ZNF638: variants seen among roughly 807,000 people sequenced by gnomAD.
ZNF638 encodes the protein CTCL tumor antigen se33-1.
In ZNF638, 46 loss-of-function variants were observed where a neutral mutation model predicts 195.6. The ratio of observed to expected loss-of-function variants is 0.24; its 90% CI spans 0.19 to 0.30. The LOEUF is 0.30. Among genes scored for constraint, ZNF638 ranks in the 10% least tolerant of loss-of-function variants. ZNF638 has a pLI of 1.00. For synonymous variants in ZNF638, 845 were observed against 772.0 expected, an observed-to-expected ratio of 1.09 and a Z score of -1.57; for missense variants, 2,440 against 2,325.3, an observed-to-expected ratio of 1.05 and a Z score of -1.01.
chr2:71,379,069 G>A (rs2079487713), intron 8 of ZNF638, among the ~76,000 whole-genome samples: 1 of 152,186 alleles, frequency 6.6e-6, no homozygotes, highest in African/African-American at 2.4e-5. Context: ...GTTGTGAATA[G>A]AGAGTGAGTG....
At chr2:71,379,744 T>C (rs1450994064) in intron 8 of ZNF638, 2 of 152,314 alleles carry the variant, frequency 1.3e-5, no homozygotes, top group Non-Finnish European at 2.9e-5. Flanking sequence ...TTACAACTTA[T>C]TTTTTTAATT....
chr2:71,343,986 C>T (rs1021824508), intron 1 of ZNF638, among the ~76,000 whole-genome samples: 7 of 152,102 alleles, frequency 4.6e-5, no homozygotes, highest in Admixed American at 6.5e-5. Context: ...AATAATCAGC[C>T]GGGTGTGGTG....
intron 11 of ZNF638, among the ~76,000 whole-genome samples, chr2:71,396,734 C>T (rs6753622): frequency 0.26 from 39,153 of 152,062 alleles, 6,545 homozygotes; most frequent in African/African-American, 0.47. Context: ...CACCTGAAGT[C>T]AGGAGTTAAG....
chr2:71,386,849 T>TTTTTTTTC (rs2079650974), intron 10 of ZNF638, among the ~76,000 whole-genome samples: 1 of 151,830 alleles, frequency 6.6e-6, no homozygotes, highest in African/African-American at 2.4e-5. Flanking sequence ...ATAAGATGCC[T>TTTTTTTTC]TTTTTTTCTT....
At chr2:71,383,658 C>T (rs537063215) in intron 10 of ZNF638, among the ~76,000 whole-genome samples, 22 of 149,154 alleles carry the variant, frequency 1.5e-4, no homozygotes, top group African/African-American at 4.9e-4. Context: ...CACTGCAACC[C>T]GTGCCTCCCA....
At chr2:71,390,414 A>G (rs1264956316) in intron 10 of ZNF638, among the ~76,000 whole-genome samples, 1 of 152,168 alleles carries the variant, frequency 6.6e-6, no homozygotes, top group Non-Finnish European at 1.5e-5. Flanking sequence ...GAACAGTGGG[A>G]TTGGTCCTAG....
At chr2:71,399,094 C>T (rs1164895363) in intron 12 of ZNF638, among the ~76,000 whole-genome samples, 1 of 151,842 alleles carries the variant, frequency 6.6e-6, no homozygotes, top group Non-Finnish European at 1.5e-5. Context: ...TTCATATTGC[C>T]CTCTCCAGTT....
intron 23 of ZNF638, among the ~76,000 whole-genome samples, chr2:71,425,481 A>T (rs1246718791): frequency 6.6e-6 from 1 of 152,170 alleles, no homozygotes; most frequent in Non-Finnish European, 1.5e-5. Context: ...ATTATATATA[A>T]TAGCAGTTAA....
chr2:71,395,549 A>G (rs745931307), intron 10 of ZNF638: 42 of 605,632 alleles, frequency 6.9e-5, no homozygotes, highest in Non-Finnish European at 1.0e-4. Context: ...AGTTTTATTT[A>G]CTTTTGCAGA....
rs369904168 is a variant in ZNF638 at position 71,433,258 on chromosome 2, G to A, written c.5846G>A (p.Ser1949Asn). The A allele has an allele frequency of 6.2e-7, 1 of 1,613,490 alleles. No individual in the cohort carries two copies. The highest frequency in any genetic ancestry group is 1.3e-5 in the African/African-American group (1 of 74,902). ...GEKAMTNHCK[S>N]TRHKQNTEKF... ...AAAGCAATGACAAATCACTGCAAGA[G>A]TACACGTCATAAGCAAAATACTGAG... The change falls in exon 27 of 28, where the codon AGT becomes AAT. Residue 1949 changes from serine to asparagine, a missense_variant. By Grantham distance (46) the Ser-to-Asn change is conservative. Coordinates refer to ENST00000264447, the MANE Select transcript of ZNF638 (RefSeq NM_014497.5).
intron 8 of ZNF638, 166 bp from the exon 9 acceptor site, chr2:71,380,056 T>C: frequency 2.2e-6 from 1 of 445,904 alleles, no homozygotes; most frequent in South Asian, 4.2e-5. Context: ...AAAGATGAGA[T>C]GTAAAATTAG....
chr2:71,386,930 C>G (rs1573095066), intron 10 of ZNF638, among the ~76,000 whole-genome samples: 1 of 152,002 alleles, frequency 6.6e-6, no homozygotes, highest in East Asian at 1.9e-4. Flanking sequence ...TCATTGCAGT[C>G]TCCACCTCCC....
rs919808474 is a variant in ZNF638, at chr2:71,344,049, G to C, written c.-202-4704G>C. On this transcript the variant is annotated intron_variant, in intron 1 of 27. Transcript: ENST00000264447. Reference sequence around the variant, plus strand: ...GGAGGGCGAGACAGGAGAATTGCTTGAACCTGGGAAGCGGAGGTTGCAGTG... The same window carrying C: ...GGAGGGCGAGACAGGAGAATTGCTTCAACCTGGGAAGCGGAGGTTGCAGTG... 2.2e-4 allele frequency among the ~76,000 whole-genome samples: 33 copies of C among 152,332 alleles called. 1 individual carries two copies. In the Middle Eastern group the frequency reaches 0.01, roughly 47 times the overall value.
rs181464910 is a variant in ZNF638 at position 71,419,164 on chromosome 2, G to A, written c.3299+525G>A. Among the ~76,000 whole-genome samples the A allele has an allele frequency of 6.8e-4, 103 of 152,216 alleles. No individual in the cohort carries two copies. In the Middle Eastern group the frequency reaches 0.021, roughly 30 times the overall value. On this transcript the variant is annotated intron_variant, in intron 21 of 27. Coordinates refer to ENST00000264447, the MANE Select transcript of ZNF638 (RefSeq NM_014497.5). ...TGTTTTTCAAAGTCTCCACAAACTGGTGACTTACAGCCTTGTTTTGACCAC... is the reference window on the plus strand; with the variant it reads ...TGTTTTTCAAAGTCTCCACAAACTGATGACTTACAGCCTTGTTTTGACCAC...
At position 71,399,618 on chromosome 2, in the gene ZNF638, G is replaced by C; in HGVS notation, c.2560G>C (p.Asp854His). The C allele has an allele frequency of 6.2e-7, 1 of 1,612,538 alleles. No individual in the cohort carries two copies. Among genetic ancestry groups the C allele is most frequent in the Non-Finnish European group, 8.5e-7 (1 of 1,179,176 alleles). The part of the protein sequence containing the change: ...AKKTGNVKNK[D>H]SNKPVTIPEN... ...AAAGACTGGGAATGTCAAAAACAAA[G>C]ACTCTAACAAACCTGTGACTATACC... Residue 854 changes from aspartate (D) to histidine (H), a missense_variant, in exon 13 of 28, where the codon GAC becomes CAC. Asp to His is a moderately conservative substitution (Grantham distance 81). Transcript: ENST00000264447.
intron 3 of ZNF638, among the ~76,000 whole-genome samples, chr2:71,362,890 C>T (rs544427905): frequency 1.3e-5 from 2 of 152,256 alleles, no homozygotes; most frequent in East Asian, 1.9e-4. Flanking sequence ...AACCTAAGCT[C>T]GTATCTTGTA....
chr2:71,396,269 T>C, intron 11 of ZNF638, 78 bp downstream of exon 11: 1 of 1,190,956 alleles, frequency 8.4e-7, no homozygotes, highest in Non-Finnish European at 1.2e-6. Flanking sequence ...AGTAGTAGTC[T>C]TGGATTTCAC....
chr2:71,421,773 T>C (rs1032231615), intron 21 of ZNF638, among the ~76,000 whole-genome samples: 4 of 152,212 alleles, frequency 2.6e-5, no homozygotes, highest in South Asian at 2.1e-4. Context: ...CTGCTTCTCA[T>C]TATATGAATA....
At chr2:71,343,024 A>C (rs1459314198) in intron 1 of ZNF638, among the ~76,000 whole-genome samples, 2 of 152,192 alleles carry the variant, frequency 1.3e-5, no homozygotes, top group African/African-American at 4.8e-5. Flanking sequence ...TTTGATAAAC[A>C]TGTTTAGTAA....
Sources: gnomAD v4.1 joint callset for allele counts (sites outside exome capture counted in the v4.1 genomes callset) on GRCh38, gnomAD v4.1.1 for gene constraint, MANE v1.5 for transcripts, NCBI Gene and HGNC (gene_info 2026-07-23, HGNC 2026-07-21) for gene names.